EXOC2: variants seen among roughly 807,000 people sequenced by gnomAD.
EXOC2 encodes the protein exocyst complex component 2, also known as SEC5-like 1.
EXOC2 carries 70 observed loss-of-function variants against 131.8 expected under a neutral mutation model. The ratio of observed to expected loss-of-function variants is 0.53; its 90% CI spans 0.44 to 0.65. The LOEUF is 0.65. EXOC2 is among the 30% of genes least tolerant of loss of function. The pLI is 0.00. For synonymous variants in EXOC2, 411 were observed against 398.4 expected (o/e 1.03, Z -0.38); for missense variants, 923 against 1,108.6 (o/e 0.83, Z 2.38).
At chr6:488,234 CCTGCACTGAGT>C (rs1053144488) in intron 27 of EXOC2, among the ~76,000 whole-genome samples, 1 of 152,196 alleles carries the variant, frequency 6.6e-6, no homozygotes, top group Non-Finnish European at 1.5e-5. Context: ...ATCTCTCTGC[CCTGCACTGAGT>C]CTGCACTGCA....
At chr6:551,575 A>T (rs1581420608) in intron 21 of EXOC2, among the ~76,000 whole-genome samples, 1 of 152,182 alleles carries the variant, frequency 6.6e-6, no homozygotes, top group East Asian at 1.9e-4. Flanking sequence ...CACCCACTGG[A>T]AGAGGCACAA....
chr6:592,923 G>A (rs1205148), intron 10 of EXOC2, among the ~76,000 whole-genome samples: 13,586 of 152,004 alleles, frequency 0.089, 1,041 homozygotes, highest in African/African-American at 0.21. Flanking sequence ...TCAGCTACTC[G>A]GGCGGCTGAG....
intron 22 of EXOC2, among the ~76,000 whole-genome samples, chr6:540,299 T>A (rs541481062): frequency 7.2e-5 from 11 of 152,304 alleles, no homozygotes; most frequent in Middle Eastern, 3.4e-3. Context: ...TCCTATATAT[T>A]AGGCTTCAAT....
intron 1 of EXOC2, among the ~76,000 whole-genome samples, chr6:680,623 G>A (rs1764359925): frequency 1.3e-5 from 2 of 152,218 alleles, no homozygotes; most frequent in Non-Finnish European, 1.5e-5. Context: ...AGGCAGCAGA[G>A]GGTCTCCTTA....
At chr6:488,110 C>T (rs928221866) in intron 27 of EXOC2, among the ~76,000 whole-genome samples, 6 of 152,212 alleles carry the variant, frequency 3.9e-5, no homozygotes, top group South Asian at 2.1e-4. Context: ...ACGTGGGATG[C>T]GTGCGGGGCG....
At chr6:591,177 T>C (rs968261634) in intron 11 of EXOC2, among the ~76,000 whole-genome samples, 3 of 152,174 alleles carry the variant, frequency 2.0e-5, no homozygotes, top group African/African-American at 7.2e-5. Flanking sequence ...GCTTCACTGC[T>C]CTGGGCTTGC....
At chr6:489,163 A>C in intron 26 of EXOC2, 125 bp from the exon 27 acceptor site, 1 of 882,990 alleles carries the variant, frequency 1.1e-6, no homozygotes, top group Non-Finnish European at 1.7e-6. Flanking sequence ...TATGAGAAAA[A>C]GTAAAAGTGA....
intron 27 of EXOC2, 64 bp from the exon 28 acceptor site, chr6:486,828 C>A (rs183609181): frequency 3.0e-6 from 4 of 1,330,318 alleles, no homozygotes; most frequent in Non-Finnish European, 4.3e-6. Flanking sequence ...CGCAAGAAAA[C>A]ACCAGGGGAG....
rs759604389 is a variant in EXOC2 at position 549,250 on chromosome 6, T to C, written c.2163A>G (p.Leu721=). Residue 721 remains leucine, a synonymous_variant, in exon 22 of 28, where the codon CTA becomes CTG. Coordinates refer to ENST00000230449, the MANE Select transcript of EXOC2 (RefSeq NM_018303.6). Reference sequence around the variant, plus strand: ...CGATATTTAGGAAGGTGTGACGTTCTAGATAGCAGCAATTACTTAGGACTA... The same window carrying C: ...CGATATTTAGGAAGGTGTGACGTTCCAGATAGCAGCAATTACTTAGGACTA... ...LLIVLSNCCY[L]ERHTFLNIAE... is the part of the protein sequence containing the mutation. The C allele has an allele frequency of 1.6e-5, 26 of 1,614,110 alleles. No homozygotes were observed. Among genetic ancestry groups the C allele is most frequent in the Non-Finnish European group, 1.9e-5 (23 of 1,180,044 alleles).
chr6:631,156 T>C (rs1161286760), intron 3 of EXOC2, among the ~76,000 whole-genome samples: 2 of 152,198 alleles, frequency 1.3e-5, no homozygotes, highest in African/African-American at 4.8e-5. Context: ...AGGCCCTCTA[T>C]GAACCCACTC....
intron 10 of EXOC2, among the ~76,000 whole-genome samples, chr6:594,967 TGTTA>T (rs1759733336): frequency 6.6e-6 from 1 of 152,198 alleles, no homozygotes; most frequent in East Asian, 1.9e-4. Context: ...ATGTAAAGAA[TGTTA>T]ATTATGATTA....
intron 1 of EXOC2, among the ~76,000 whole-genome samples, chr6:639,662 C>T (rs541210809): frequency 9.2e-5 from 14 of 152,304 alleles, no homozygotes; most frequent in Non-Finnish European, 1.3e-4. Context: ...CTTGCTTGTC[C>T]GCCCATCACC....
At chr6:522,280 G>C (rs1765510059) in intron 23 of EXOC2, among the ~76,000 whole-genome samples, 1 of 151,940 alleles carries the variant, frequency 6.6e-6, no homozygotes, top group South Asian at 2.1e-4. Flanking sequence ...CGGACTGCAG[G>C]ACAGCGTGTG....
intron 23 of EXOC2, among the ~76,000 whole-genome samples, chr6:521,728 A>G (rs879685165): frequency 6.6e-6 from 1 of 151,900 alleles, no homozygotes; most frequent in Admixed American, 6.6e-5. Context: ...GGGTCTCACT[A>G]TGTTGCCCAG....
At chr6:689,583 G>A (rs1286507875) in intron 1 of EXOC2, among the ~76,000 whole-genome samples, 2 of 152,278 alleles carry the variant, frequency 1.3e-5, no homozygotes, top group Admixed American at 1.3e-4. Context: ...TCCTACCTCT[G>A]AGCTTCTGCT....
chr6:655,733 A>G (rs530605215), intron 1 of EXOC2, among the ~76,000 whole-genome samples: 2 of 152,338 alleles, frequency 1.3e-5, no homozygotes, highest in South Asian at 2.1e-4. Flanking sequence ...ACATTCATAC[A>G]TATTTTAAAA....
At chr6:692,599 A>C (rs1764984752) in intron 1 of EXOC2, among the ~76,000 whole-genome samples, 1 of 152,272 alleles carries the variant, frequency 6.6e-6, no homozygotes, top group South Asian at 2.1e-4. Context: ...AGCGGGATGC[A>C]CGCCTAGGCA....
chr6:578,037 C>A (rs1359799987), intron 11 of EXOC2, among the ~76,000 whole-genome samples: 1 of 152,172 alleles, frequency 6.6e-6, no homozygotes, highest in African/African-American at 2.4e-5. Flanking sequence ...TTGCCTATCT[C>A]CACCAAAGAC....
intron 2 of EXOC2, among the ~76,000 whole-genome samples, chr6:637,219 G>A (rs1762142711): frequency 2.0e-5 from 3 of 152,170 alleles, no homozygotes; most frequent in Admixed American, 1.3e-4. Flanking sequence ...CACAGATCAC[G>A]ATGAGGACAC....
Sources: allele counts gnomAD v4.1 joint callset (sites outside exome capture counted in the v4.1 genomes callset), GRCh38; gene constraint gnomAD v4.1.1; transcripts MANE v1.5; gene names NCBI Gene and HGNC (gene_info 2026-07-23, HGNC 2026-07-21).